Variants in CDADC1 observed in about 807,000 individuals in gnomAD.
The protein encoded by CDADC1 is cytidine and dCMP deaminase domain containing 1.
In CDADC1, 39 loss-of-function variants were observed where a neutral mutation model predicts 54.9. That is an observed-to-expected ratio of 0.71 (90% CI 0.55 to 0.93). The LOEUF (loss-of-function observed/expected upper bound fraction) is 0.93, where lower values mean the gene tolerates loss of function less well. Ranked by LOEUF, CDADC1 falls within the 40% of genes least tolerant of loss-of-function variation. The pLI, the probability that CDADC1 is intolerant of heterozygous loss-of-function variation, is 0.00. For synonymous variants in CDADC1, 186 were observed against 204.0 expected, an observed-to-expected ratio of 0.91 and a Z score of 0.75; for missense variants, 518 against 618.8, an observed-to-expected ratio of 0.84 and a Z score of 1.73.
intron 1 of CDADC1, 45 bp from the exon 2 acceptor site, chr13:49,248,826 C>G: frequency 8.0e-7 from 1 of 1,253,770 alleles, no homozygotes; most frequent in Non-Finnish European, 1.2e-6. Context: ...CTCCCTTTTT[C>G]ACCATTAGTA....
At chr13:49,270,112 C>A (rs898339504) in intron 5 of CDADC1, among the ~76,000 whole-genome samples, 1 of 152,150 alleles carries the variant, frequency 6.6e-6, no homozygotes, top group Admixed American at 6.5e-5. Context: ...GCACTAAACA[C>A]AATGTGCGTT....
intron 2 of CDADC1, among the ~76,000 whole-genome samples, chr13:49,255,582 A>G (rs752415851): frequency 6.6e-6 from 1 of 152,240 alleles, no homozygotes; most frequent in Non-Finnish European, 1.5e-5. Context: ...CATAAACTTC[A>G]GAATTTTATT....
At chr13:49,287,177 CA>C (rs1228157223) in intron 9 of CDADC1, among the ~76,000 whole-genome samples, 11 of 152,124 alleles carry the variant, frequency 7.2e-5, no homozygotes, top group Non-Finnish European at 1.3e-4. Context: ...GGCGACAGGG[CA>C]AAACTCTGTC....
rs1188782392 is a variant in CDADC1 at position 49,255,926 on chromosome 13, G to A, written c.252+13G>A. The A allele has an allele frequency of 6.2e-7, 1 of 1,609,988 alleles. No individual in the cohort carries two copies. The highest frequency in any genetic ancestry group is 8.5e-7 in the Non-Finnish European group (1 of 1,178,718). On this transcript the variant is annotated intron_variant, in intron 3 of 9. Coordinates refer to ENST00000251108, the MANE Select transcript of CDADC1 (RefSeq NM_030911.4). ...TGACAAAAGACAGGTAAATTTTTAT[G>A]ATTTCACATATATATGCTCATAATA...
At chr13:49,268,427 G>GCAACA (rs1383306557) in intron 5 of CDADC1, among the ~76,000 whole-genome samples, 5 of 152,158 alleles carry the variant, frequency 3.3e-5, no homozygotes, top group African/African-American at 1.2e-4. Flanking sequence ...TTAGAAGGCT[G>GCAACA]AGACAGGAGG....
In CDADC1 at chr13:49,255,899, A is replaced by C. The variant is rs771384918; in HGVS notation, c.238A>C (p.Thr80Pro). ...GDNEERTRVS[T>P]DKRQVKRTGL... is the part of the protein sequence containing the mutation. The stretch of plus-strand genomic sequence containing the variant: ...TAATGAAGAGAGGACCAGAGTATCT[A>C]CTGACAAAAGACAGGTAAATTTTTA... The change falls in exon 3 of 10, where the codon ACT becomes CCT. Residue 80 changes from threonine (T) to proline (P), a missense_variant. Physicochemically the swap from Thr to Pro is conservative, Grantham distance 38 (BLOSUM62 -1). Coordinates refer to ENST00000251108, the MANE Select transcript of CDADC1 (RefSeq NM_030911.4). 19 of 1,611,332 alleles carry C rather than the reference A, an allele frequency of 1.2e-5. No individual in the cohort carries two copies. The highest frequency in any genetic ancestry group is 1.2e-5 in the Non-Finnish European group (14 of 1,179,210).
intron 2 of CDADC1, among the ~76,000 whole-genome samples, chr13:49,252,602 G>A (rs1566350949): frequency 6.6e-6 from 1 of 152,118 alleles, no homozygotes; most frequent in Non-Finnish European, 1.5e-5. Context: ...CAGAATGAAA[G>A]GGAGCATATT....
chr13:49,248,816 C>A, intron 1 of CDADC1, 55 bp from the exon 2 acceptor site: 1 of 1,135,742 alleles, frequency 8.8e-7, no homozygotes, highest in Non-Finnish European at 1.3e-6. Context: ...TTGAGATTGG[C>A]TCCCTTTTTC....
intron 5 of CDADC1, among the ~76,000 whole-genome samples, chr13:49,269,659 G>A (rs1952914189): frequency 6.6e-6 from 1 of 152,200 alleles, no homozygotes; most frequent in African/African-American, 2.4e-5. Context: ...GGGAACAGCT[G>A]TTGTAGCTAT....
rs917742391 is a variant in CDADC1, at chr13:49,273,938, T to C, written c.1001-353T>C. 3.9e-5 allele frequency among the ~76,000 whole-genome samples: 6 copies of C among 152,322 alleles called. No individual in the cohort carries two copies. The South Asian group carries it at 8.3e-4, about 21-fold the overall frequency. On this transcript the variant is annotated intron_variant, in intron 5 of 9. Coordinates refer to ENST00000251108, the MANE Select transcript of CDADC1 (RefSeq NM_030911.4). ...AACCTTTATTAAATTTTATCACCTA[T>C]CAGAAGTAGTTGTTTAGAAACCGGC...
chr13:49,279,202 C>T (rs1168501317), intron 7 of CDADC1, among the ~76,000 whole-genome samples: 5 of 152,094 alleles, frequency 3.3e-5, no homozygotes, highest in Non-Finnish European at 7.4e-5. Context: ...GACTCCTGTC[C>T]TTGGAGAGCT....
intron 9 of CDADC1, 47 bp from the exon 10 acceptor site, chr13:49,291,637 G>C: frequency 6.3e-7 from 1 of 1,585,940 alleles, no homozygotes; most frequent in Non-Finnish European, 8.6e-7. Flanking sequence ...AAGTGCCCAT[G>C]GGTTTGAAAT....
rs762049194 is a variant in CDADC1 at position 49,259,531 on chromosome 13, C to T, written c.430+8C>T. 3.2e-5 allele frequency: 51 copies of T among 1,612,386 alleles called. No homozygotes were observed. The highest frequency in any genetic ancestry group is 1.6e-4 in the Middle Eastern group (1 of 6,076). On this transcript the variant is annotated splice_region_variant and intron_variant, in intron 4 of 9. Coordinates refer to ENST00000251108, the MANE Select transcript of CDADC1 (RefSeq NM_030911.4). ...TGAAAATGATTGTAAATGGTAAGTG[C>T]AGAAAAGGGTTTGTTGGGGATTAAG...
intron 9 of CDADC1, 97 bp downstream of exon 9, chr13:49,286,379 G>A: frequency 2.3e-6 from 2 of 862,878 alleles, no homozygotes; most frequent in Admixed American, 4.2e-5. Context: ...TTAATAGATG[G>A]AGCATATTAT....
chr13:49,251,013 G>A (rs573500313), intron 2 of CDADC1, among the ~76,000 whole-genome samples: 5 of 151,972 alleles, frequency 3.3e-5, no homozygotes, highest in Non-Finnish European at 7.4e-5. Flanking sequence ...TTTCCAAGCT[G>A]TTAGGGATTT....
intron 7 of CDADC1, among the ~76,000 whole-genome samples, chr13:49,278,878 C>T (rs980384502): frequency 2.6e-5 from 4 of 152,140 alleles, no homozygotes; most frequent in East Asian, 3.8e-4. Context: ...TACAGTTACA[C>T]GCCACAGAAA....
At chr13:49,285,891 G>T (rs765085952) in intron 8 of CDADC1, among the ~76,000 whole-genome samples, 1 of 150,786 alleles carries the variant, frequency 6.6e-6, no homozygotes, top group Non-Finnish European at 1.5e-5. Context: ...TCAGCTCACT[G>T]CAACCTCCAC....
chr13:49,291,651 G>A, intron 9 of CDADC1, 33 bp from the exon 10 acceptor site: 1 of 1,600,012 alleles, frequency 6.2e-7, no homozygotes, highest in Non-Finnish European at 8.5e-7. Flanking sequence ...TTGAAATGAA[G>A]CTGTCCTGAC....
intron 5 of CDADC1, among the ~76,000 whole-genome samples, chr13:49,270,595 C>G (rs1952942619): frequency 6.6e-6 from 1 of 152,140 alleles, no homozygotes; most frequent in Admixed American, 6.5e-5. Flanking sequence ...ACCCTGTAAT[C>G]ACATTAATAC....
Sources: allele counts gnomAD v4.1 joint callset (sites outside exome capture counted in the v4.1 genomes callset), GRCh38; gene constraint gnomAD v4.1.1; transcripts MANE v1.5; gene names NCBI Gene and HGNC (gene_info 2026-07-23, HGNC 2026-07-21).